Variants in SLC24A2 observed in about 807,000 individuals in gnomAD.
The protein encoded by SLC24A2 is sodium/potassium/calcium exchanger 2.
A neutral mutation model predicts 62.0 loss-of-function variants in SLC24A2; 36 were observed. The observed-to-expected ratio is 0.58, with a 90% confidence interval of 0.44 to 0.77. SLC24A2 has a LOEUF of 0.77. Ranked by LOEUF, SLC24A2 falls within the 30% of genes least tolerant of loss-of-function variation. The pLI is 0.00. For synonymous variants in SLC24A2, 358 were observed against 294.0 expected (o/e 1.22, Z -2.23); for missense variants, 846 against 817.9 (o/e 1.03, Z -0.42).
chr9:20,034,865 C>A, the SLC24A2 span, among the ~76,000 whole-genome samples: 1 of 152,070 alleles, frequency 6.6e-6, no homozygotes, highest in Non-Finnish European at 1.5e-5. Context: ...AAAAAGATTC[C>A]ATTTTAAGGG....
chr9:20,234,131 C>T, the SLC24A2 span, among the ~76,000 whole-genome samples: 1 of 152,202 alleles, frequency 6.6e-6, no homozygotes, highest in Admixed American at 6.5e-5. Context: ...TGCGGGTAAC[C>T]CGACCTTTCT....
the SLC24A2 span, among the ~76,000 whole-genome samples, chr9:19,825,017 CA>C: frequency 6.6e-6 from 1 of 152,124 alleles, no homozygotes; most frequent in South Asian, 2.1e-4. Flanking sequence ...CCGGGCCTAT[CA>C]GGGGGTGGGG....
the SLC24A2 span, chr9:19,895,718 C>A: frequency 8.0e-7 from 1 of 1,249,070 alleles, no homozygotes; most frequent in Non-Finnish European, 1.1e-6. Flanking sequence ...TAGCCTGGGG[C>A]CTGGTGGTCG....
chr9:19,925,683 A>G, the SLC24A2 span, among the ~76,000 whole-genome samples: 9 of 152,346 alleles, frequency 5.9e-5, no homozygotes, highest in South Asian at 1.9e-3. Flanking sequence ...AGAGGAGGAT[A>G]AAAACCTGAG....
intron 2 of SLC24A2, among the ~76,000 whole-genome samples, chr9:19,628,982 A>G (rs1818105625): frequency 6.6e-6 from 1 of 152,224 alleles, no homozygotes; most frequent in Non-Finnish European, 1.5e-5. Context: ...CTGGTGTGCA[A>G]CAAACTACAG....
chr9:20,034,192 C>T, the SLC24A2 span, among the ~76,000 whole-genome samples: 1 of 152,156 alleles, frequency 6.6e-6, no homozygotes, highest in Non-Finnish European at 1.5e-5. Context: ...CCCTTCCTTA[C>T]AAAATAGTTT....
the SLC24A2 span, among the ~76,000 whole-genome samples, chr9:19,859,902 C>A: frequency 2.0e-5 from 3 of 152,174 alleles, no homozygotes; most frequent in South Asian, 6.2e-4. Context: ...GCATTTAAAC[C>A]AGCCCTAGCC....
At chr9:20,207,965 C>A in the SLC24A2 span, among the ~76,000 whole-genome samples, 7,697 of 152,220 alleles carry the variant, frequency 0.051, 274 homozygotes, top group Non-Finnish European at 0.082. Flanking sequence ...ACACCTATGT[C>A]TAGCAAGACA....
chr9:19,810,198 C>A, the SLC24A2 span, among the ~76,000 whole-genome samples: 1 of 152,116 alleles, frequency 6.6e-6, no homozygotes, highest in Non-Finnish European at 1.5e-5. Flanking sequence ...ACATCCCCAG[C>A]TCCCCGAGGA....
intron 2 of SLC24A2, among the ~76,000 whole-genome samples, chr9:19,676,037 T>C (rs367598840): frequency 1.3e-5 from 2 of 152,160 alleles, no homozygotes; most frequent in South Asian, 2.1e-4. Context: ...CAAGAGCCCA[T>C]AGGGCTCTTC....
the SLC24A2 span, chr9:19,895,727 C>G: frequency 1.5e-6 from 2 of 1,348,220 alleles, no homozygotes; most frequent in Non-Finnish European, 2.0e-6. Context: ...GCCTGGTGGT[C>G]GAGGCTGGAG....
chr9:20,170,777 G>C, the SLC24A2 span, among the ~76,000 whole-genome samples: 1 of 152,024 alleles, frequency 6.6e-6, no homozygotes, highest in African/African-American at 2.4e-5. Flanking sequence ...AAATCTAAAA[G>C]TTTGTAAAAC....
intron 2 of SLC24A2, among the ~76,000 whole-genome samples, chr9:19,637,364 GTTCTAACTGTTGCCCGACTGTGTTTT>G (rs1277730443): frequency 5.9e-5 from 9 of 152,224 alleles, no homozygotes; most frequent in Non-Finnish European, 1.3e-4. Flanking sequence ...AACTGTGTTT[GTTCTAACTGTTGCCCGACTGTGTTTT>G]TTCTAACTGT....
intron 2 of SLC24A2, among the ~76,000 whole-genome samples, chr9:19,710,406 CA>C (rs1477339956): frequency 3.9e-5 from 6 of 152,088 alleles, no homozygotes; most frequent in African/African-American, 7.2e-5. Flanking sequence ...CTAGCCCTAT[CA>C]GGGGGGTGGT....
chr9:19,636,385 T>C (rs368145919), intron 2 of SLC24A2, among the ~76,000 whole-genome samples: 9,701 of 24,768 alleles, frequency 0.39, 1,566 homozygotes, highest in African/African-American at 0.48. Context: ...CTTTCTTTCT[T>C]TCTCCCTCTC....
chr9:20,090,446 T>C, the SLC24A2 span, among the ~76,000 whole-genome samples: 1 of 152,056 alleles, frequency 6.6e-6, no homozygotes, highest in East Asian at 1.9e-4. Context: ...TATCAGAGCA[T>C]TGAGAGGGAG....
the SLC24A2 span, among the ~76,000 whole-genome samples, chr9:20,075,424 C>A: frequency 6.6e-6 from 1 of 152,180 alleles, no homozygotes; most frequent in South Asian, 2.1e-4. Flanking sequence ...TGTCACTGGA[C>A]TCCAAAGACT....
the SLC24A2 span, among the ~76,000 whole-genome samples, chr9:20,186,731 T>C: frequency 6.6e-6 from 1 of 152,198 alleles, no homozygotes; most frequent in East Asian, 1.9e-4. Flanking sequence ...TCTCCTCAAA[T>C]TATATAGGAT....
chr9:19,874,504 T>G, the SLC24A2 span, among the ~76,000 whole-genome samples: 1 of 152,206 alleles, frequency 6.6e-6, no homozygotes, highest in African/African-American at 2.4e-5. Flanking sequence ...GAGGTTGCTG[T>G]TGGCCTGTAC....
Sources: gnomAD v4.1 joint callset for allele counts (sites outside exome capture counted in the v4.1 genomes callset) on GRCh38, gnomAD v4.1.1 for gene constraint, MANE v1.5 for transcripts, NCBI Gene and HGNC (gene_info 2026-07-23, HGNC 2026-07-21) for gene names.